The following SQLE variants were observed in gnomAD, a reference collection of about 807,000 sequenced individuals.
The protein encoded by SQLE is squalene epoxidase, also known as squalene monooxygenase.
In SQLE, 29 loss-of-function variants were observed where a neutral mutation model predicts 60.7. The ratio of observed to expected loss-of-function variants is 0.48; its 90% CI spans 0.36 to 0.65. The LOEUF is 0.65. Ranked by LOEUF, SQLE falls within the 30% of genes least tolerant of loss-of-function variation. The pLI is 0.00. For synonymous variants in SQLE, 237 were observed against 246.8 expected, an observed-to-expected ratio of 0.96 and a Z score of 0.37; for missense variants, 605 against 684.1, an observed-to-expected ratio of 0.88 and a Z score of 1.29.
intron 1 of SQLE, among the ~76,000 whole-genome samples, chr8:125,000,849 A>G (rs1814834816): frequency 6.6e-6 from 1 of 152,232 alleles, no homozygotes; most frequent in South Asian, 2.1e-4. Context: ...GCAAGAGACT[A>G]TAGCAGTAAA....
chr8:125,007,956 G>C (rs905645531), intron 4 of SQLE, among the ~76,000 whole-genome samples: 1 of 152,236 alleles, frequency 6.6e-6, no homozygotes, highest in Admixed American at 6.5e-5. Context: ...CAGAGAAGCA[G>C]AGGGGAACTA....
chr8:125,008,442 G>A (rs1025709837), intron 4 of SQLE, among the ~76,000 whole-genome samples: 1 of 152,032 alleles, frequency 6.6e-6, no homozygotes, highest in Non-Finnish European at 1.5e-5. Flanking sequence ...TGTAATTCTG[G>A]ACTGCTCCCC....
Position 125,021,901 on chromosome 8 carries a change from A to G in SQLE, c.1681A>G (p.Ile561Val), listed in dbSNP as rs1377198477. 4.4e-6 allele frequency: 7 copies of G among 1,608,856 alleles called. No homozygotes were observed. The Admixed American group carries it at 6.7e-5, about 16-fold the overall frequency. The change falls in exon 11 of 11, where the codon ATA becomes GTA. Residue 561 changes from isoleucine (I) to valine (V), a missense_variant. Transcript: ENST00000265896. ...TGTATTGTACAAAGCGTGTTCTGTA[A>G]TATTTCCTCTAATTTACTCAGAAAT... ...GAVLYKACSV[I>V]FPLIYSEMKY...
intron 2 of SQLE, 122 bp from the exon 3 acceptor site, chr8:125,005,403 G>T: frequency 1.2e-6 from 1 of 822,124 alleles, no homozygotes; most frequent in South Asian, 3.2e-5. Flanking sequence ...CATTAGTTTT[G>T]TTCAGTTCTC....
At chr8:125,014,975 T>C (rs1403577114) in intron 7 of SQLE, among the ~76,000 whole-genome samples, 1 of 152,196 alleles carries the variant, frequency 6.6e-6, no homozygotes, top group Non-Finnish European at 1.5e-5. Flanking sequence ...TTTATCTGTC[T>C]GGATGATCTA....
intron 7 of SQLE, among the ~76,000 whole-genome samples, chr8:125,014,051 G>A (rs150080671): frequency 1.2e-3 from 176 of 152,276 alleles, no homozygotes; most frequent in African/African-American, 4.0e-3. Context: ...CATTTTTGTG[G>A]AGGATGGTTT....
Position 125,003,440 on chromosome 8 carries a change from T to C in SQLE, c.544+12T>C, listed in dbSNP as rs1312184838. 14 of 1,612,956 alleles carry C rather than the reference T, an allele frequency of 8.7e-6. No individual in the cohort carries two copies. The highest frequency in any genetic ancestry group is 3.3e-5 in the Admixed American group (2 of 59,950). Reference sequence around the variant, plus strand: ...CCTTGGTCTTGGAGGTAGGTTCATATTGATTTTCAGGAGAGTTACGTGGTA... The same window carrying C: ...CCTTGGTCTTGGAGGTAGGTTCATACTGATTTTCAGGAGAGTTACGTGGTA... On this transcript the variant is annotated intron_variant, in intron 2 of 10. Coordinates refer to ENST00000265896, the MANE Select transcript of SQLE (RefSeq NM_003129.4).
At position 124,999,582 on chromosome 8, in the gene SQLE, G is replaced by T. The variant is rs1814807876; in HGVS notation, c.179G>T (p.Gly60Val). 3 of 1,613,518 alleles carry T rather than the reference G, an allele frequency of 1.9e-6. No homozygotes were observed. The highest frequency in any genetic ancestry group is 2.2e-5 in the East Asian group (1 of 44,856). Residue 60 changes from glycine to valine, a missense_variant, in exon 1 of 11, where the codon GGC becomes GTC. Coordinates refer to ENST00000265896, the MANE Select transcript of SQLE (RefSeq NM_003129.4). ...GGTCTCCTCGGGCGCCAGCAGAGCG[G>T]CTCCCAGTTCGCCCTCTTCTCGGAT... Reference protein sequence around the residue: ...NGGLLGRQQSGSQFALFSDIL... With the variant: ...NGGLLGRQQSVSQFALFSDIL...
chr8:125,006,557 G>C (rs1300956250), intron 3 of SQLE, among the ~76,000 whole-genome samples: 2 of 149,836 alleles, frequency 1.3e-5, no homozygotes, highest in African/African-American at 2.5e-5. Context: ...GGAGGTGGAG[G>C]TTGCAGTGAG....
At chr8:125,018,756 TACTC>T (rs767202860) in intron 9 of SQLE, 29 bp downstream of exon 9, 5 of 1,394,244 alleles carry the variant, frequency 3.6e-6, no homozygotes, top group Middle Eastern at 1.9e-4. Context: ...TAGTGAATAT[TACTC>T]AATTGCAGAT....
At position 125,004,794 on chromosome 8, in the gene SQLE, A is replaced by G. The variant is rs189414931; in HGVS notation, c.545-731A>G. Among the ~76,000 whole-genome samples the G allele has an allele frequency of 2.8e-4, 42 of 151,946 alleles. 1 individual carries two copies. The highest frequency in any genetic ancestry group is 2.0e-3 in the Admixed American group (30 of 15,272). On this transcript the variant is annotated intron_variant, in intron 2 of 10. Coordinates refer to ENST00000265896, the MANE Select transcript of SQLE (RefSeq NM_003129.4). ...TTTTATTTTTAAAATTAATTTTTTA[A>G]CTTTCTAATTTTCGGTTGGCACTTT... is the stretch of plus-strand genomic sequence containing the variant.
chr8:125,005,558 A>G lies in SQLE; in HGVS notation c.578A>G (p.Asn193Ser), dbSNP rs1814934043. The G allele has an allele frequency of 1.9e-6, 3 of 1,608,276 alleles. 1 individual carries two copies. The highest frequency in any genetic ancestry group is 2.2e-5 in the South Asian group (2 of 90,204). The change falls in exon 3 of 11, where the codon AAT (asparagine) becomes AGT (serine). Residue 193 changes from asparagine (N) to serine (S), a missense_variant. Coordinates refer to ENST00000265896, the MANE Select transcript of SQLE (RefSeq NM_003129.4). Reference protein sequence around the residue: ...TVEGLDAQVVNGYMIHDQESK... With the variant: ...TVEGLDAQVVSGYMIHDQESK... ...GAAGGTCTTGATGCCCAGGTTGTAAATGGTTACATGATTCATGATCAGGAA... is the reference window on the plus strand; with the variant it reads ...GAAGGTCTTGATGCCCAGGTTGTAAGTGGTTACATGATTCATGATCAGGAA...
chr8:125,001,449 G>GGTGTGT (rs57946751), intron 1 of SQLE, among the ~76,000 whole-genome samples: 4,588 of 136,910 alleles, frequency 0.034, 202 homozygotes, highest in African/African-American at 0.099. Context: ...CTCCTTTCAG[G>GGTGTGT]GTGTGTGTGT....
At chr8:125,018,887 GTAGTTT>G in intron 9 of SQLE, 160 bp downstream of exon 9, 1 of 584,420 alleles carries the variant, frequency 1.7e-6, no homozygotes, top group Non-Finnish European at 3.0e-6. Flanking sequence ...AGCAATAGTT[GTAGTTT>G]TAGTTTTAGT....
rs778771147 is a variant in SQLE, at chr8:125,003,337, C to T, written c.453C>T (p.Val151=). 3.7e-6 allele frequency: 6 copies of T among 1,613,924 alleles called. No individual in the cohort carries two copies. The highest frequency in any genetic ancestry group is 1.6e-4 in the Middle Eastern group (1 of 6,062). Residue 151 remains valine (V), a synonymous_variant, in exon 2 of 11, where the codon GTC becomes GTT. Coordinates refer to ENST00000265896, the MANE Select transcript of SQLE (RefSeq NM_003129.4). ...VLSRDGRKVT[V]IERDLKEPDR... ...CCAGAGATGGAAGAAAGGTGACAGTCATTGAGAGAGACTTAAAAGAGCCTG... is the reference window on the plus strand; with the variant it reads ...CCAGAGATGGAAGAAAGGTGACAGTTATTGAGAGAGACTTAAAAGAGCCTG...
intron 4 of SQLE, among the ~76,000 whole-genome samples, chr8:125,008,544 C>A (rs1252239182): frequency 6.6e-6 from 1 of 152,178 alleles, no homozygotes; most frequent in Non-Finnish European, 1.5e-5. Context: ...TACATGTAGT[C>A]ATTTGTACAA....
chr8:124,998,718 G>A lies in SQLE; in HGVS notation c.-686G>A. 1.7e-6 allele frequency: 1 copy of A among 593,446 alleles called. No homozygotes were observed. The highest frequency in any genetic ancestry group is 3.0e-6 in the Non-Finnish European group (1 of 328,120). The allele number at this position is 593,446 out of a possible 1,614,324, so 36.8% of individuals were successfully genotyped here. A position where few individuals can be genotyped will look rare whatever the true frequency, so the allele number is the denominator to read the frequency against. ...GGGCGGCTCTGGGGGCCAGCGAAAC[G>A]GGAGGCCTCTAAATCTTTAGGTTGG... On this transcript the variant is annotated 5_prime_UTR_variant, in exon 1 of 11. Coordinates refer to ENST00000265896, the MANE Select transcript of SQLE (RefSeq NM_003129.4).
At chr8:125,011,371 A>G (rs1252271618) in intron 6 of SQLE, 166 bp from the exon 7 acceptor site, 4 of 479,668 alleles carry the variant, frequency 8.3e-6, no homozygotes, top group Non-Finnish European at 7.2e-6. Context: ...CTTAATGAAT[A>G]ATTTTATTAA....
At chr8:125,001,807 T>A (rs985502308) in intron 1 of SQLE, among the ~76,000 whole-genome samples, 1 of 152,110 alleles carries the variant, frequency 6.6e-6, no homozygotes, top group Non-Finnish European at 1.5e-5. Context: ...GATTATTTTT[T>A]AAAAACCCCT....
Sources: gnomAD v4.1 joint callset for allele counts (sites outside exome capture counted in the v4.1 genomes callset) on GRCh38, gnomAD v4.1.1 for gene constraint, MANE v1.5 for transcripts, NCBI Gene and HGNC (gene_info 2026-07-23, HGNC 2026-07-21) for gene names.